TMEM132D: variants seen among roughly 807,000 people sequenced by gnomAD.
TMEM132D encodes transmembrane protein 132D.
In TMEM132D, 21 loss-of-function variants were observed where a neutral mutation model predicts 62.3. The ratio of observed to expected loss-of-function variants is 0.34; its 90% CI spans 0.24 to 0.49. The LOEUF (loss-of-function observed/expected upper bound fraction) is 0.49. Ranked by LOEUF, TMEM132D falls within the 20% of genes least tolerant of loss-of-function variation. The pLI is 0.99. For synonymous variants in TMEM132D, 621 were observed against 575.6 expected (o/e 1.08, Z -1.13); for missense variants, 1,346 against 1,402.8 (o/e 0.96, Z 0.65).
chr12:129,893,935 C>T (rs548090523), intron 1 of TMEM132D, among the ~76,000 whole-genome samples: 21 of 152,274 alleles, frequency 1.4e-4, no homozygotes, highest in African/African-American at 3.4e-4. Context: ...ATGATTTTCA[C>T]GCCCTACAGA....
In TMEM132D at chr12:129,337,714, C is replaced by T. The variant is rs1398424696; in HGVS notation, c.1219G>A (p.Gly407Arg). The T allele has an allele frequency of 2.5e-6, 4 of 1,614,222 alleles. No individual in the cohort carries two copies. The highest frequency in any genetic ancestry group is 2.2e-5 in the East Asian group (1 of 44,870). ...QLVTWQVEYP[G>R]EITSDLGVSK... ...ACTCCCAAGTCAGACGTGATCTCTC[C>T]GGGGTACTCGACCTGCCACGTGACC... The change falls in exon 4 of 9, where the codon GGA (glycine) becomes AGA (arginine). Residue 407 changes from glycine (G) to arginine (R), a missense_variant. Physicochemically the swap from Gly to Arg is moderately radical, Grantham distance 125. Transcript: ENST00000422113.
At chr12:129,860,081 AG>A (rs1272277164) in intron 1 of TMEM132D, among the ~76,000 whole-genome samples, 2 of 152,206 alleles carry the variant, frequency 1.3e-5, no homozygotes, top group Non-Finnish European at 2.9e-5. Context: ...TCCTGGTCAC[AG>A]GGGACTCACA....
chr12:129,818,061 G>T (rs999110223), intron 1 of TMEM132D, among the ~76,000 whole-genome samples: 1 of 145,130 alleles, frequency 6.9e-6, no homozygotes, highest in Admixed American at 6.9e-5. Context: ...AGATGTATGT[G>T]TGTGTATGTC....
At chr12:129,657,824 T>G (rs1413797709) in intron 2 of TMEM132D, among the ~76,000 whole-genome samples, 1 of 152,216 alleles carries the variant, frequency 6.6e-6, no homozygotes, top group Non-Finnish European at 1.5e-5. Context: ...TTTTCTGAGC[T>G]TCTAGCTAAA....
At chr12:129,194,997 T>C (rs1016716358) in intron 5 of TMEM132D, among the ~76,000 whole-genome samples, 2 of 152,176 alleles carry the variant, frequency 1.3e-5, no homozygotes, top group Non-Finnish European at 2.9e-5. Context: ...CACCGGGGAA[T>C]AAGTAATGAT....
intron 4 of TMEM132D, among the ~76,000 whole-genome samples, chr12:129,249,618 A>G (rs1200463506): frequency 6.6e-6 from 1 of 152,194 alleles, no homozygotes. Context: ...AGTCTTGGTA[A>G]TAGCGCAGGT....
rs1869851514 is a variant in TMEM132D at position 129,351,226 on chromosome 12, A to T, written c.1116-13409T>A. 2.6e-5 allele frequency among the ~76,000 whole-genome samples: 4 copies of T among 152,152 alleles called. No individual in the cohort carries two copies. The East Asian group carries it at 7.7e-4, about 29-fold the overall frequency. ...TGTGAGGTCGTGCTTATCTCCCAGG[A>T]TGCATCCTCACCAAATTGGACTCTC... On this transcript the variant is annotated intron_variant, in intron 3 of 8. Coordinates refer to ENST00000422113, the MANE Select transcript of TMEM132D (RefSeq NM_133448.3).
chr12:129,112,604 G>A (rs566911352), intron 5 of TMEM132D, among the ~76,000 whole-genome samples: 14 of 152,262 alleles, frequency 9.2e-5, no homozygotes, highest in Admixed American at 4.6e-4. Flanking sequence ...CAGAGGTTGC[G>A]GTGAGCCAAG....
intron 3 of TMEM132D, among the ~76,000 whole-genome samples, chr12:129,502,035 C>G (rs1376474647): frequency 1.3e-5 from 2 of 151,740 alleles, no homozygotes; most frequent in Non-Finnish European, 2.9e-5. Flanking sequence ...GAGTCTCGCT[C>G]TGTCGTCCAG....
chr12:129,483,714 G>A (rs1414624971), intron 3 of TMEM132D, among the ~76,000 whole-genome samples: 3 of 152,232 alleles, frequency 2.0e-5, no homozygotes, highest in East Asian at 1.9e-4. Context: ...CCACGTCAAC[G>A]CTCCCCTTCG....
At chr12:129,730,180 TCA>T (rs762715508) in intron 1 of TMEM132D, among the ~76,000 whole-genome samples, 1 of 152,168 alleles carries the variant, frequency 6.6e-6, no homozygotes, top group Non-Finnish European at 1.5e-5. Context: ...TCCTAGTCTC[TCA>T]GTTATGTCCT....
At chr12:129,468,580 T>G (rs1454066058) in intron 3 of TMEM132D, among the ~76,000 whole-genome samples, 1 of 151,080 alleles carries the variant, frequency 6.6e-6, no homozygotes, top group Non-Finnish European at 1.5e-5. Flanking sequence ...TTTTTTTGTT[T>G]TACCTTTTTG....
At chr12:129,607,336 C>T (rs977097813) in intron 2 of TMEM132D, among the ~76,000 whole-genome samples, 2 of 152,154 alleles carry the variant, frequency 1.3e-5, no homozygotes, top group Non-Finnish European at 2.9e-5. Flanking sequence ...CAAAAACCTG[C>T]GATCGCATGC....
At chr12:129,604,645 C>T (rs1878568623) in intron 2 of TMEM132D, among the ~76,000 whole-genome samples, 1 of 152,164 alleles carries the variant, frequency 6.6e-6, no homozygotes, top group Non-Finnish European at 1.5e-5. Flanking sequence ...AGAAAAGATG[C>T]TTTCAAATCA....
At chr12:129,254,051 T>C (rs11836111) in intron 4 of TMEM132D, among the ~76,000 whole-genome samples, 51,220 of 152,110 alleles carry the variant, frequency 0.34, 10,114 homozygotes, top group Non-Finnish European at 0.45. Context: ...GGTGTATCAA[T>C]AGAACCAACG....
At chr12:129,306,276 T>G (rs1881844422) in intron 4 of TMEM132D, among the ~76,000 whole-genome samples, 1 of 152,248 alleles carries the variant, frequency 6.6e-6, no homozygotes, top group African/African-American at 2.4e-5. Context: ...TAATATTATC[T>G]CATTTGTAGA....
chr12:129,473,209 C>T (rs904316086), intron 3 of TMEM132D, among the ~76,000 whole-genome samples: 4 of 152,034 alleles, frequency 2.6e-5, no homozygotes, highest in African/African-American at 9.7e-5. Flanking sequence ...TCAGCTACCA[C>T]CACCCGGATC....
intron 5 of TMEM132D, among the ~76,000 whole-genome samples, chr12:129,206,106 A>G (rs1240940676): frequency 6.6e-6 from 1 of 152,228 alleles, no homozygotes; most frequent in African/African-American, 2.4e-5. Context: ...GACAAACAGG[A>G]TCTAATTAAA....
At chr12:129,533,761 G>GT (rs1290275198) in intron 2 of TMEM132D, among the ~76,000 whole-genome samples, 1 of 152,134 alleles carries the variant, frequency 6.6e-6, no homozygotes, top group Non-Finnish European at 1.5e-5. Flanking sequence ...CTGCAAAAAT[G>GT]TTTTTTCCTG....
Sources: allele counts gnomAD v4.1 joint callset (sites outside exome capture counted in the v4.1 genomes callset), GRCh38; gene constraint gnomAD v4.1.1; transcripts MANE v1.5; gene names NCBI Gene and HGNC (gene_info 2026-07-23, HGNC 2026-07-21).